GNAQ: variants seen among roughly 807,000 people sequenced by gnomAD.
GNAQ encodes guanine nucleotide-binding protein G(q) subunit alpha.
GNAQ carries 8 observed loss-of-function variants against 43.9 expected under a neutral mutation model. That is an observed-to-expected ratio of 0.18 (90% CI 0.11 to 0.33). GNAQ has a LOEUF of 0.33. Among genes scored for constraint, GNAQ ranks in the 10% least tolerant of loss-of-function variants. The probability of loss-of-function intolerance (pLI) is 1.00; values close to 1 mark genes in which losing one functional copy is unlikely to be tolerated. For missense variants in GNAQ, 158 were observed against 450.8 expected (o/e 0.35, Z 5.88); for synonymous variants, 155 against 170.7 (o/e 0.91, Z 0.71).
intron 3 of GNAQ, among the ~76,000 whole-genome samples, chr9:77,810,119 G>GGT (rs1354774497): frequency 6.6e-6 from 1 of 152,046 alleles, no homozygotes. Flanking sequence ...CATGGTAAGT[G>GGT]ATTTATAAAA....
intron 5 of GNAQ, among the ~76,000 whole-genome samples, chr9:77,739,878 T>G (rs977502048): frequency 7.2e-5 from 11 of 152,150 alleles, no homozygotes. Context: ...GGTAAGAGAC[T>G]AAACAGAAAG....
At chr9:77,762,870 T>C (rs1216942742) in intron 5 of GNAQ, among the ~76,000 whole-genome samples, 1 of 152,032 alleles carries the variant, frequency 6.6e-6, no homozygotes, top group African/African-American at 2.4e-5. Flanking sequence ...CGGTGCAAGA[T>C]GTGCTTTGTT....
chr9:77,989,586 A>G (rs1382140116), intron 1 of GNAQ, among the ~76,000 whole-genome samples: 1 of 152,240 alleles, frequency 6.6e-6, no homozygotes, highest in Non-Finnish European at 1.5e-5. Flanking sequence ...GTCTGGCTGC[A>G]TATGGCTGTG....
intron 5 of GNAQ, among the ~76,000 whole-genome samples, chr9:77,786,572 G>A (rs1232150221): frequency 6.6e-6 from 1 of 152,074 alleles, no homozygotes; most frequent in African/African-American, 2.4e-5. Flanking sequence ...CTCCAGTGAA[G>A]CATCTTTGCA....
rs144456551 is a variant in GNAQ, at chr9:78,015,223, A to G, written c.136+15877T>C. Among the ~76,000 whole-genome samples, 1,064 of 152,310 alleles carry G rather than the reference A, an allele frequency of 7.0e-3. 16 individuals are homozygous for G. The highest frequency in any genetic ancestry group is 0.024 in the African/African-American group (988 of 41,570). On this transcript the variant is annotated intron_variant, in intron 1 of 6. Coordinates refer to ENST00000286548, the MANE Select transcript of GNAQ (RefSeq NM_002072.5). ...AGCCCGCAGCGTTCAGTACAATAAC[A>G]TGCTTTACAGGTTTGCAGCCTGGGA...
intron 1 of GNAQ, among the ~76,000 whole-genome samples, chr9:77,980,933 C>T (rs1048114631): frequency 2.0e-5 from 3 of 152,186 alleles, no homozygotes; most frequent in African/African-American, 7.2e-5. Context: ...CAGGCTCTTC[C>T]TTCATTGCTT....
intron 1 of GNAQ, among the ~76,000 whole-genome samples, chr9:77,977,772 G>C (rs776436107): frequency 6.6e-6 from 1 of 152,114 alleles, no homozygotes; most frequent in Non-Finnish European, 1.5e-5. Context: ...TTTCCTTTAT[G>C]TTTCTTCTAT....
intron 2 of GNAQ, among the ~76,000 whole-genome samples, chr9:77,883,699 AAT>A (rs987223400): frequency 6.6e-6 from 1 of 150,948 alleles, no homozygotes; most frequent in African/African-American, 2.5e-5. Context: ...CTTGGGTTTT[AAT>A]ATACCTGCTT....
chr9:77,946,570 G>A (rs763602116), intron 1 of GNAQ, among the ~76,000 whole-genome samples: 4 of 152,154 alleles, frequency 2.6e-5, no homozygotes, highest in Admixed American at 6.5e-5. Context: ...CCCAGCAGTC[G>A]TGCTCCACCA....
At chr9:77,933,343 A>G (rs1158591006) in intron 1 of GNAQ, among the ~76,000 whole-genome samples, 1 of 152,164 alleles carries the variant, frequency 6.6e-6, no homozygotes, top group East Asian at 1.9e-4. Flanking sequence ...ACACACAGAC[A>G]CACAAACACA....
intron 2 of GNAQ, among the ~76,000 whole-genome samples, chr9:77,846,168 A>T (rs1028119445): frequency 2.0e-5 from 3 of 152,210 alleles, no homozygotes; most frequent in African/African-American, 7.2e-5. Context: ...ACATTGAAAT[A>T]GCTTCCAACA....
At chr9:77,952,770 T>A (rs1430726457) in intron 1 of GNAQ, among the ~76,000 whole-genome samples, 1 of 152,230 alleles carries the variant, frequency 6.6e-6, no homozygotes, top group Non-Finnish European at 1.5e-5. Flanking sequence ...ATTGCTTAAT[T>A]ATTCATTGGT....
chr9:77,909,303 T>C (rs1037506262), intron 2 of GNAQ, among the ~76,000 whole-genome samples: 2 of 152,186 alleles, frequency 1.3e-5, no homozygotes, highest in African/African-American at 4.8e-5. Flanking sequence ...AGCTACATGA[T>C]CTCATCCTGT....
chr9:77,888,304 T>C (rs1435770357), intron 2 of GNAQ, among the ~76,000 whole-genome samples: 2 of 152,208 alleles, frequency 1.3e-5, no homozygotes, highest in Non-Finnish European at 2.9e-5. Context: ...AGAATCCTCA[T>C]TCTAGATCAC....
intron 2 of GNAQ, among the ~76,000 whole-genome samples, chr9:77,863,179 A>AAAGAAAGGAAGGAAGGAAGG (rs1345249136): frequency 6.2e-5 from 8 of 130,030 alleles, no homozygotes; most frequent in Admixed American, 8.1e-5. Context: ...CGTATGAAAG[A>AAAGAAAGGAAGGAAGGAAGG]AAGGAAGGAA....
At chr9:77,937,046 T>C (rs1186025363) in intron 1 of GNAQ, among the ~76,000 whole-genome samples, 3 of 152,248 alleles carry the variant, frequency 2.0e-5, no homozygotes, top group Admixed American at 2.0e-4. Context: ...TTTTGTACTA[T>C]AACAGGTGCC....
At chr9:77,939,785 A>C (rs1829288251) in intron 1 of GNAQ, among the ~76,000 whole-genome samples, 1 of 152,232 alleles carries the variant, frequency 6.6e-6, no homozygotes, top group Non-Finnish European at 1.5e-5. Context: ...TTTTATAATC[A>C]TAATATGTTG....
chr9:77,875,050 C>T (rs940977557), intron 2 of GNAQ, among the ~76,000 whole-genome samples: 1 of 152,024 alleles, frequency 6.6e-6, no homozygotes, highest in Non-Finnish European at 1.5e-5. Flanking sequence ...TTATTTGACC[C>T]ACTGAGATTC....
In GNAQ at chr9:77,911,000, A is replaced by G. The variant is rs149303021; in HGVS notation, c.321+11161T>C. ...GTGTTCACTCGTTAATTCATTCAACAGAGTAGAACCATATGTCAAATACTG... is the reference window on the plus strand; with the variant it reads ...GTGTTCACTCGTTAATTCATTCAACGGAGTAGAACCATATGTCAAATACTG... On this transcript the variant is annotated intron_variant, in intron 2 of 6. Transcript: ENST00000286548. 3.3e-5 allele frequency among the ~76,000 whole-genome samples: 5 copies of G among 152,342 alleles called. No individual in the cohort carries two copies. The East Asian group carries it at 9.6e-4, about 29-fold the overall frequency.
Sources: gnomAD v4.1 joint callset for allele counts (sites outside exome capture counted in the v4.1 genomes callset) on GRCh38, gnomAD v4.1.1 for gene constraint, MANE v1.5 for transcripts, NCBI Gene and HGNC (gene_info 2026-07-23, HGNC 2026-07-21) for gene names.